Variants in LMNTD1 observed in about 807,000 individuals in gnomAD.
LMNTD1 encodes the protein lamin tail domain-containing protein 1.
In LMNTD1, 35 loss-of-function variants were observed where a neutral mutation model predicts 50.9. That is an observed-to-expected ratio of 0.69 (90% CI 0.53 to 0.91). The LOEUF is 0.91. LMNTD1 is among the 40% of genes least tolerant of loss of function. LMNTD1 has a pLI of 0.00. For missense variants in LMNTD1, 470 were observed against 475.5 expected, an observed-to-expected ratio of 0.99 and a Z score of 0.11; for synonymous variants, 153 against 161.9, an observed-to-expected ratio of 0.94 and a Z score of 0.42.
intron 4 of LMNTD1, among the ~76,000 whole-genome samples, chr12:25,544,064 A>G (rs1943272608): frequency 1.3e-5 from 2 of 151,924 alleles, no homozygotes; most frequent in African/African-American, 4.8e-5. Context: ...ATTGGGTGAA[A>G]TGTTCTGCAC....
intron 2 of LMNTD1, among the ~76,000 whole-genome samples, chr12:25,549,799 T>C (rs1441776731): frequency 6.6e-6 from 1 of 152,126 alleles, no homozygotes; most frequent in Non-Finnish European, 1.5e-5. Context: ...TGAAAATGTG[T>C]AAGTAGAAAA....
chr12:25,516,230 A>G (rs1049160223), intron 8 of LMNTD1, among the ~76,000 whole-genome samples: 9 of 152,170 alleles, frequency 5.9e-5, no homozygotes, highest in Admixed American at 5.9e-4. Flanking sequence ...AATTAACTGA[A>G]TGGAAAAAAA....
intron 1 of LMNTD1, among the ~76,000 whole-genome samples, chr12:25,591,315 T>G (rs562843090): frequency 2.0e-5 from 3 of 152,010 alleles, no homozygotes; most frequent in African/African-American, 7.2e-5. Flanking sequence ...AGCACTGCAC[T>G]GGCAGGCAGC....
intron 4 of LMNTD1, among the ~76,000 whole-genome samples, chr12:25,542,761 G>T (rs1591969864): frequency 8.6e-6 from 1 of 115,662 alleles, no homozygotes; most frequent in African/African-American, 3.0e-5. Context: ...GAAAAAAAAA[G>T]CCCAAAGTAG....
rs1174162773 is a variant in LMNTD1 at position 25,546,462 on chromosome 12, T to C, written c.403A>G (p.Lys135Glu). The C allele has an allele frequency of 1.7e-5, 27 of 1,602,528 alleles. No homozygotes were observed. The highest frequency in any genetic ancestry group is 2.1e-5 in the Non-Finnish European group (25 of 1,173,178). The change falls in exon 4 of 10, where the codon AAG (lysine) becomes GAG (glutamate). Residue 135 changes from lysine (K) to glutamate (E), a missense_variant. Coordinates refer to ENST00000458174, the MANE Select transcript of LMNTD1 (RefSeq NM_001145728.2). ...DYFLSLFGDS[K>E]KLTAHSNYTQ... ...TAGTTTGAGTGTGCTGTAAGTTTCTTTGAATCACCAAACAAAGAAAGGAAA... is the reference window on the plus strand; with the variant it reads ...TAGTTTGAGTGTGCTGTAAGTTTCTCTGAATCACCAAACAAAGAAAGGAAA...
Position 25,524,637 on chromosome 12 carries a change from C to T in LMNTD1, c.798+1462G>A, listed in dbSNP as rs189814522. On this transcript the variant is annotated intron_variant, in intron 6 of 9. Transcript: ENST00000458174. ...ACAAACTGGTTTACAGAGTGGATAA[C>T]TATGATGAAAGTTCTGAGATAAGAA... is the stretch of plus-strand genomic sequence containing the variant. 4.6e-3 allele frequency among the ~76,000 whole-genome samples: 688 copies of T among 149,408 alleles called. 2 individuals are homozygous for T. Among genetic ancestry groups the T allele is most frequent in the Non-Finnish European group, 7.6e-3 (514 of 68,024 alleles).
chr12:25,623,277 C>T (rs533318966), intron 1 of LMNTD1, among the ~76,000 whole-genome samples: 45 of 151,814 alleles, frequency 3.0e-4, no homozygotes, highest in Non-Finnish European at 5.9e-4. Context: ...AGGTCAGGCA[C>T]GGTGGCTCAT....
intron 1 of LMNTD1, among the ~76,000 whole-genome samples, chr12:25,615,410 G>T (rs370987326): frequency 6.6e-6 from 1 of 152,096 alleles, no homozygotes; most frequent in African/African-American, 2.4e-5. Context: ...TCTGGACAAC[G>T]TTCAGAAGAG....
At position 25,568,215 on chromosome 12, in the gene LMNTD1, A is replaced by AACAAACT. The variant is rs1944640000; in HGVS notation, c.59-21662_59-21661insAGTTTGT. 3.3e-5 allele frequency among the ~76,000 whole-genome samples: 5 copies of AACAAACT among 152,342 alleles called. No individual in the cohort carries two copies. The South Asian group carries it at 1.0e-3, about 32-fold the overall frequency. On this transcript the variant is annotated intron_variant, in intron 1 of 7. Transcript: ENST00000445693. ...ACTGCATGGTGTCCATGTCCTAGGG[A>AACAAACT]TCCGTGGAAGTTTGAACTTAAGAGT...
intron 1 of LMNTD1, among the ~76,000 whole-genome samples, chr12:25,616,558 C>T (rs1250923788): frequency 1.3e-5 from 2 of 152,172 alleles, no homozygotes; most frequent in East Asian, 1.9e-4. Context: ...GGAAGTGGAT[C>T]CTGGTGGTGA....
intron 1 of LMNTD1, among the ~76,000 whole-genome samples, chr12:25,570,797 T>C (rs1944757714): frequency 6.6e-6 from 1 of 152,204 alleles, no homozygotes; most frequent in African/African-American, 2.4e-5. Context: ...CATTCTTTGG[T>C]TGGTGGCTCT....
At chr12:25,487,089 G>A (rs1257824223) in intron 9 of LMNTD1, among the ~76,000 whole-genome samples, 3 of 149,048 alleles carry the variant, frequency 2.0e-5, no homozygotes, top group Admixed American at 1.3e-4. Flanking sequence ...GTGGTGTGGT[G>A]CTGAAAAAAA....
At chr12:25,535,292 T>A (rs1241231691) in intron 4 of LMNTD1, among the ~76,000 whole-genome samples, 1 of 151,650 alleles carries the variant, frequency 6.6e-6, no homozygotes, top group Non-Finnish European at 1.5e-5. Context: ...CATAAAAAGA[T>A]AAAAAATAAC....
chr12:25,525,534 C>T (rs190320162), intron 6 of LMNTD1, among the ~76,000 whole-genome samples: 29 of 152,290 alleles, frequency 1.9e-4, no homozygotes, highest in Admixed American at 6.5e-5. Flanking sequence ...CTTCCCTTGA[C>T]TTCGAAAGTT....
chr12:25,596,068 T>C (rs918049036), intron 1 of LMNTD1, among the ~76,000 whole-genome samples: 1 of 151,878 alleles, frequency 6.6e-6, no homozygotes, highest in Non-Finnish European at 1.5e-5. Context: ...AACAGACCAA[T>C]AACAAGCAGT....
intron 1 of LMNTD1, among the ~76,000 whole-genome samples, chr12:25,575,057 T>C (rs1944948122): frequency 6.6e-6 from 1 of 152,142 alleles, no homozygotes; most frequent in African/African-American, 2.4e-5. Flanking sequence ...GGCAAGGCTT[T>C]TTGTCCCTGG....
At chr12:25,628,173 C>A (rs1453726504) in intron 1 of LMNTD1, among the ~76,000 whole-genome samples, 4 of 115,106 alleles carry the variant, frequency 3.5e-5, no homozygotes, top group Admixed American at 1.8e-4. Context: ...AATTTGAATA[C>A]AATGATTGAA....
chr12:25,481,921 G>A (rs1463947459), intron 9 of LMNTD1, among the ~76,000 whole-genome samples: 1 of 148,320 alleles, frequency 6.7e-6, no homozygotes, highest in Non-Finnish European at 1.5e-5. Flanking sequence ...AGTGAAAGGT[G>A]GTTGAAAAAT....
At chr12:25,513,263 A>G (rs535808858) in intron 8 of LMNTD1, among the ~76,000 whole-genome samples, 3 of 152,378 alleles carry the variant, frequency 2.0e-5, no homozygotes. Context: ...ATTATTGCCA[A>G]TGCAATAATG....
Sources: gnomAD v4.1 joint callset for allele counts (sites outside exome capture counted in the v4.1 genomes callset) on GRCh38, gnomAD v4.1.1 for gene constraint, MANE v1.5 for transcripts, NCBI Gene and HGNC (gene_info 2026-07-23, HGNC 2026-07-21) for gene names.